Variants in ICA1 observed in about 807,000 individuals in gnomAD.
ICA1 encodes the protein 69 kDa islet cell autoantigen.
Under a neutral mutation model 71.0 loss-of-function variants are expected in ICA1, and 40 were observed. That is an observed-to-expected ratio of 0.56 (90% confidence interval 0.44 to 0.73). The LOEUF (loss-of-function observed/expected upper bound fraction) is 0.73. ICA1 is among the 30% of genes least tolerant of loss of function. ICA1 has a pLI of 0.00. For missense variants in ICA1, 578 were observed against 576.5 expected, an observed-to-expected ratio of 1.00 and a Z score of -0.03; for synonymous variants, 207 against 209.5, an observed-to-expected ratio of 0.99 and a Z score of 0.10.
chr7:8,116,090 G>A (rs576870169), intron 13 of ICA1, among the ~76,000 whole-genome samples: 91 of 152,324 alleles, frequency 6.0e-4, no homozygotes, highest in African/African-American at 2.1e-3. Context: ...TGTAATTTCT[G>A]GGATTATGCG....
intron 6 of ICA1, among the ~76,000 whole-genome samples, chr7:8,168,080 AGTTTCTG>A (rs1194754906): frequency 6.6e-6 from 1 of 152,060 alleles, no homozygotes; most frequent in Non-Finnish European, 1.5e-5. Flanking sequence ...GTAGCACTAA[AGTTTCTG>A]GATCCAGTTG....
intron 5 of ICA1, 122 bp downstream of exon 5, chr7:8,221,153 G>C: frequency 9.0e-7 from 1 of 1,106,692 alleles, no homozygotes. Context: ...TGAGTACAGA[G>C]CAGCTCCTCA....
At chr7:8,253,557 C>G (rs1469579356) in intron 1 of ICA1, among the ~76,000 whole-genome samples, 1 of 152,114 alleles carries the variant, frequency 6.6e-6, no homozygotes, top group East Asian at 1.9e-4. Context: ...ATAGGTCCAC[C>G]TATACACCAG....
At chr7:8,180,625 G>C (rs1453894634) in intron 6 of ICA1, among the ~76,000 whole-genome samples, 1 of 152,092 alleles carries the variant, frequency 6.6e-6, no homozygotes, top group Non-Finnish European at 1.5e-5. Flanking sequence ...GATAGTTCCT[G>C]TTCCTTCACA....
chr7:8,189,391 T>G (rs1164415740), intron 6 of ICA1, among the ~76,000 whole-genome samples: 1 of 152,212 alleles, frequency 6.6e-6, no homozygotes, highest in East Asian at 1.9e-4. Flanking sequence ...GGTCCTATGT[T>G]GGGTTTAGTG....
chr7:8,178,151 C>T (rs1390619951), intron 6 of ICA1, among the ~76,000 whole-genome samples: 1 of 152,202 alleles, frequency 6.6e-6, no homozygotes, highest in African/African-American at 2.4e-5. Context: ...TTGTAAGTTC[C>T]CAGTGTTCAT....
chr7:8,153,182 T>A (rs1012424257), intron 8 of ICA1, among the ~76,000 whole-genome samples: 4 of 152,218 alleles, frequency 2.6e-5, no homozygotes, highest in African/African-American at 9.7e-5. Flanking sequence ...ATACTTTGTT[T>A]TATCACAAAA....
At chr7:8,135,045 G>C (rs78041360) in intron 12 of ICA1, among the ~76,000 whole-genome samples, 93 of 146,356 alleles carry the variant, frequency 6.4e-4, no homozygotes, top group African/African-American at 1.9e-3. Flanking sequence ...ATTTTTTTTT[G>C]AGACAGAGTG....
intron 6 of ICA1, among the ~76,000 whole-genome samples, chr7:8,195,307 C>T (rs998177582): frequency 1.3e-5 from 2 of 152,096 alleles, no homozygotes; most frequent in African/African-American, 4.8e-5. Context: ...ATGAGGTGGG[C>T]AGATCCCTGG....
Position 8,128,129 on chromosome 7 carries a change from T to G in ICA1, c.1074A>C (p.Pro358=), listed in dbSNP as rs1790026900. ...MKSEEGACLG[P]VAGTPEPEGA... ...CTTCAGGTTCCGGGGTCCCTGCCAC[T>G]GGTCCCAGGCAAGCTGATTGAAGTA... is the stretch of plus-strand genomic sequence containing the variant. The change falls in exon 13 of 14, where the codon CCA becomes CCC. Residue 358 remains proline (P), a synonymous_variant. Transcript: ENST00000402384. 11 of 1,613,982 alleles carry G rather than the reference T, an allele frequency of 6.8e-6. No homozygotes were observed. Among genetic ancestry groups the G allele is most frequent in the Non-Finnish European group, 9.3e-6 (11 of 1,179,952 alleles).
chr7:8,182,981 T>G (rs1782681230), intron 6 of ICA1, among the ~76,000 whole-genome samples: 2 of 152,330 alleles, frequency 1.3e-5, no homozygotes, highest in South Asian at 4.1e-4. Context: ...ACAGGGGACA[T>G]GCAATGACTA....
Position 8,130,535 on chromosome 7 carries a change from C to T in ICA1, c.1061-2393G>A, listed in dbSNP as rs1791069236. Among the ~76,000 whole-genome samples the T allele has an allele frequency of 6.6e-6, 1 of 152,178 alleles. No homozygotes were observed. Among genetic ancestry groups the T allele is most frequent in the Non-Finnish European group, 1.5e-5 (1 of 68,028 alleles). On this transcript the variant is annotated intron_variant, in intron 12 of 13. Coordinates refer to ENST00000402384, the MANE Select transcript of ICA1 (RefSeq NM_001136020.3). This position sits in a 1 kb window ranked among gnomAD's most constrained non-coding sequence, Gnocchi z 4.2. Reference sequence around the variant, plus strand: ...ACCCTTTCTTATAGTTTACTTTTTGCCCTGACTGAAACCAGATAATTACTG... The same window carrying T: ...ACCCTTTCTTATAGTTTACTTTTTGTCCTGACTGAAACCAGATAATTACTG...
chr7:8,182,433 C>G (rs573103972), intron 6 of ICA1, among the ~76,000 whole-genome samples: 2 of 152,242 alleles, frequency 1.3e-5, no homozygotes, highest in African/African-American at 4.8e-5. Context: ...TCAATAAATA[C>G]TTGAAGGAAT....
At chr7:8,153,183 T>C (rs976761929) in intron 8 of ICA1, among the ~76,000 whole-genome samples, 1 of 152,234 alleles carries the variant, frequency 6.6e-6, no homozygotes, top group Admixed American at 6.5e-5. Flanking sequence ...TACTTTGTTT[T>C]ATCACAAAAC....
At chr7:8,155,005 T>A (rs1800994103) in intron 8 of ICA1, among the ~76,000 whole-genome samples, 1 of 152,208 alleles carries the variant, frequency 6.6e-6, no homozygotes, top group Non-Finnish European at 1.5e-5. Context: ...CCGTAATTAC[T>A]TTTGAACCAA....
chr7:8,185,924 A>T lies in ICA1; in HGVS notation c.580-27272T>A, dbSNP rs559690462. 2.6e-5 allele frequency among the ~76,000 whole-genome samples: 4 copies of T among 152,378 alleles called. No homozygotes were observed. In the South Asian group the frequency reaches 8.3e-4, roughly 32 times the overall value. ...TGTAGGAGCCTGGGTTAGATGCTAC[A>T]GGAAACACTTTGTTAATCAGACACA... On this transcript the variant is annotated intron_variant, in intron 6 of 13. Transcript: ENST00000402384.
At chr7:8,206,247 G>C (rs924069373) in intron 6 of ICA1, among the ~76,000 whole-genome samples, 2 of 152,052 alleles carry the variant, frequency 1.3e-5, no homozygotes, top group Non-Finnish European at 2.9e-5. Flanking sequence ...ATTTCCCTCA[G>C]GCACTAGTTT....
rs1014230251 is a variant in ICA1, at chr7:8,173,863, T to C, written c.580-15211A>G. Reference sequence around the variant, plus strand: ...CTCGGTGCTGGAGATAAGCAGAGAATAAAGCAAAGTCTTTGCTTTCATGAT... The same window carrying C: ...CTCGGTGCTGGAGATAAGCAGAGAACAAAGCAAAGTCTTTGCTTTCATGAT... On this transcript the variant is annotated intron_variant, in intron 6 of 13. Transcript: ENST00000402384. This position sits in a 1 kb window ranked among gnomAD's most constrained non-coding sequence, Gnocchi z 4.0. Among the ~76,000 whole-genome samples, 2 of 152,170 alleles carry C rather than the reference T, an allele frequency of 1.3e-5. No individual in the cohort carries two copies. Among genetic ancestry groups the C allele is most frequent in the Non-Finnish European group, 1.5e-5 (1 of 68,022 alleles).
At chr7:8,160,171 T>C (rs1803238297) in intron 6 of ICA1, among the ~76,000 whole-genome samples, 1 of 152,196 alleles carries the variant, frequency 6.6e-6, no homozygotes, top group African/African-American at 2.4e-5. Flanking sequence ...TAACCTTTAA[T>C]GTAGTTTAAG....
Sources: gnomAD v4.1 joint callset for allele counts (sites outside exome capture counted in the v4.1 genomes callset) on GRCh38, gnomAD v4.1.1 for gene constraint, Gnocchi (gnomAD v3.1) non-coding constraint, MANE v1.5 for transcripts, NCBI Gene and HGNC (gene_info 2026-07-23, HGNC 2026-07-21) for gene names.